TNS1: variants seen among roughly 807,000 people sequenced by gnomAD.
The protein encoded by TNS1 is tensin 1.
TNS1 carries 62 observed loss-of-function variants against 168.6 expected under a neutral mutation model. The ratio of observed to expected loss-of-function variants is 0.37; its 90% CI spans 0.30 to 0.45. The LOEUF is 0.45. TNS1 is among the 20% of genes least tolerant of loss of function. The probability of loss-of-function intolerance (pLI) is 1.00; values close to 1 mark genes in which losing one functional copy is unlikely to be tolerated. For missense variants in TNS1, 2,240 were observed against 2,339.4 expected, an observed-to-expected ratio of 0.96 and a Z score of 0.88; for synonymous variants, 934 against 933.2, an observed-to-expected ratio of 1.00 and a Z score of -0.02.
chr2:217,948,807 T>A lies in TNS1; in HGVS notation c.187-28571A>T, dbSNP rs994468882. Among the ~76,000 whole-genome samples, 1 of 152,138 alleles carries A rather than the reference T, an allele frequency of 6.6e-6. No homozygotes were observed. Among genetic ancestry groups the A allele is most frequent in the Admixed American group, 6.5e-5 (1 of 15,288 alleles). ...GCTCACCACTGTGTCCTCTATGACA[T>A]CTCATTGGCATGCATCTGCATTTGC... On this transcript the variant is annotated intron_variant, in intron 3 of 32. Coordinates refer to ENST00000682258, the MANE Select transcript of TNS1 (RefSeq NM_001387777.1). The surrounding 1 kb of genome is among the most constrained non-coding windows in gnomAD (Gnocchi z 4.1).
chr2:217,932,324 C>T (rs1956366456), intron 3 of TNS1, among the ~76,000 whole-genome samples: 1 of 152,208 alleles, frequency 6.6e-6, no homozygotes, highest in African/African-American at 2.4e-5. Flanking sequence ...CTATTGATAC[C>T]TTATTTAACT....
chr2:217,857,434 G>A (rs73992648), intron 18 of TNS1, among the ~76,000 whole-genome samples: 69 of 152,308 alleles, frequency 4.5e-4, no homozygotes, highest in Middle Eastern at 3.4e-3. Flanking sequence ...GATGGCTGGG[G>A]CTGGAGGCAT....
At chr2:217,930,961 C>T (rs1038773710) in intron 3 of TNS1, among the ~76,000 whole-genome samples, 2 of 152,054 alleles carry the variant, frequency 1.3e-5, no homozygotes, top group African/African-American at 2.4e-5. Context: ...GGGCTGTGGT[C>T]TGTGGTCATG....
intron 18 of TNS1, among the ~76,000 whole-genome samples, chr2:217,849,459 T>A (rs1947168264): frequency 6.6e-6 from 1 of 152,240 alleles, no homozygotes; most frequent in East Asian, 1.9e-4. Flanking sequence ...TAATAGAATC[T>A]GGTTGAACCA....
At position 217,847,887 on chromosome 2, in the gene TNS1, G is replaced by A; in HGVS notation, c.2630C>T (p.Ser877Phe). Residue 877 changes from serine (S) to phenylalanine (F), a missense_variant, in exon 19 of 33, where the codon TCC (serine) becomes TTC (phenylalanine). Ser to Phe is a radical substitution (Grantham distance 155, BLOSUM62 -2). Coordinates refer to ENST00000682258, the MANE Select transcript of TNS1 (RefSeq NM_001387777.1). The stretch of plus-strand genomic sequence containing the variant: ...GGTCAGTGGATGGGACTGACGGGAG[G>A]ATCCAGAGAGGGGCTGGGAGGAGAG... ...SPLSSQPLSG[S>F]SRQSHPLTQS... is the part of the protein sequence containing the mutation. 1 of 1,554,322 alleles carries A rather than the reference G, an allele frequency of 6.4e-7. No individual in the cohort carries two copies. Among genetic ancestry groups the A allele is most frequent in the Non-Finnish European group, 8.8e-7 (1 of 1,142,370 alleles).
At chr2:217,996,699 G>C (rs189087961) in intron 1 of TNS1, among the ~76,000 whole-genome samples, 1 of 151,806 alleles carries the variant, frequency 6.6e-6, no homozygotes. Flanking sequence ...CCCTATATCA[G>C]GCCTTGGCAC....
chr2:217,976,283 C>T (rs1957892665), intron 3 of TNS1, among the ~76,000 whole-genome samples: 1 of 152,184 alleles, frequency 6.6e-6, no homozygotes, highest in African/African-American at 2.4e-5. Context: ...ACTAATGAAT[C>T]CTGCCTAGAA....
At position 217,886,073 on chromosome 2, in the gene TNS1, G is replaced by A. The variant is rs1450083303; in HGVS notation, c.1011C>T (p.Ala337=). ...GCRPFLRIYQ[A]MQPVYTSGIY... is the part of the protein sequence containing the mutation. ...TGCCAGATGTGTACACAGGTTGCAT[G>A]GCCTGGTAGATGCGGAGAAATGGCC... Residue 337 remains alanine, a synonymous_variant, in exon 14 of 33, where the codon GCC becomes GCT. Transcript: ENST00000682258. 6.2e-7 allele frequency: 1 copy of A among 1,614,062 alleles called. No homozygotes were observed. The highest frequency in any genetic ancestry group is 1.3e-5 in the African/African-American group (1 of 75,006).
rs1005244852 is a variant in TNS1, at chr2:217,809,731, A to C, written c.5273+92T>G. Reference sequence around the variant, plus strand: ...GGTAGATGAGCAGTTGGGTGCAAGGAATCAATCAAGTGGTAAATGTGTGGG... The same window carrying C: ...GGTAGATGAGCAGTTGGGTGCAAGGCATCAATCAAGTGGTAAATGTGTGGG... On this transcript the variant is annotated intron_variant, in intron 30 of 32. Transcript: ENST00000682258. 1.8e-5 allele frequency: 25 copies of C among 1,354,572 alleles called. No individual in the cohort carries two copies. In the African/African-American group the frequency reaches 2.6e-4, roughly 14 times the overall value. 83.9% of individuals were successfully genotyped at this position (1,354,572 alleles called of 1,614,324 possible). A position where few individuals can be genotyped will look rare whatever the true frequency, so the allele number is the denominator to read the frequency against.
rs532366637 is a variant in TNS1, at chr2:218,033,179, TC to T, written c.156+640del. On this transcript the variant is annotated intron_variant, in intron 1 of 1. Transcript: ENST00000649572. This position sits in a 1 kb window ranked among gnomAD's most constrained non-coding sequence, Gnocchi z 4.3. ...ATCCCTGGTGACCCCAAACACCTCC[TC>T]CTACTCTCCCAGGAAGAAACCAGCA... is the stretch of plus-strand genomic sequence containing the variant. 1.5e-3 allele frequency among the ~76,000 whole-genome samples: 234 copies of T among 152,204 alleles called. 1 individual carries two copies. The highest frequency in any genetic ancestry group is 0.013 in the Admixed American group (202 of 15,288).
chr2:217,858,019 C>A (rs1948360804), intron 18 of TNS1, among the ~76,000 whole-genome samples: 1 of 152,292 alleles, frequency 6.6e-6, no homozygotes, highest in Admixed American at 6.5e-5. Context: ...AATGGGAGCC[C>A]ACAGGAGGCC....
In TNS1 at chr2:217,880,775, C is replaced by T. The variant is rs1950603221; in HGVS notation, c.1429+123G>A. The T allele has an allele frequency of 4.1e-6, 3 of 731,026 alleles. No individual in the cohort carries two copies. Among genetic ancestry groups the T allele is most frequent in the Middle Eastern group, 2.4e-4 (1 of 4,136 alleles). 45.3% of individuals were successfully genotyped at this position (731,026 alleles called of 1,614,324 possible). On this transcript the variant is annotated intron_variant, in intron 18 of 32. Transcript: ENST00000682258. This position sits in a 1 kb window ranked among gnomAD's most constrained non-coding sequence, Gnocchi z 4.2. ...TAACGGTGAGCTCTCGGAGGTACCT[C>T]ACACTTCCCCTCTGCCTCCTCTCGA...
At chr2:217,858,990 C>T (rs1214867958) in intron 18 of TNS1, among the ~76,000 whole-genome samples, 1 of 148,262 alleles carries the variant, frequency 6.7e-6, no homozygotes, top group Non-Finnish European at 1.5e-5. Flanking sequence ...AGCCCCTGCT[C>T]AACTCTCACC....
chr2:217,886,435 C>T lies in TNS1; in HGVS notation c.979+99G>A, dbSNP rs556276277. 353 of 960,184 alleles carry T rather than the reference C, an allele frequency of 3.7e-4. 4 individuals carry two copies. The South Asian group carries it at 4.8e-3, about 13-fold the overall frequency. The allele number at this position is 960,184 out of a possible 1,614,324, so 59.5% of individuals were successfully genotyped here. On this transcript the variant is annotated intron_variant, in intron 13 of 32. Transcript: ENST00000682258. The stretch of plus-strand genomic sequence containing the variant: ...GGAGGCCTTATGACTCTGCAGCTCT[C>T]GGGCTGTCTGTTACTACCCAAGGTT...
rs573033427 is a variant in TNS1 at position 217,813,146 on chromosome 2, C to G, written c.4954+69G>C. The G allele has an allele frequency of 9.4e-5, 115 of 1,227,062 alleles. No homozygotes were observed. In the African/African-American group the frequency reaches 1.5e-3, roughly 16 times the overall value. The allele number at this position is 1,227,062 out of a possible 1,614,324, so 76.0% of individuals were successfully genotyped here. On this transcript the variant is annotated intron_variant, in intron 27 of 32. Transcript: ENST00000682258. The surrounding 1 kb of genome is among the most constrained non-coding windows in gnomAD (Gnocchi z 4.0). ...TCAGAAAGAACTTGGGGTCAGACCC[C>G]TGGAGGAACCCAGGACAGGACCAAG...
intron 18 of TNS1, among the ~76,000 whole-genome samples, chr2:217,854,251 T>C (rs1346384995): frequency 3.9e-5 from 6 of 152,164 alleles, no homozygotes. Context: ...AGGTTTTGCT[T>C]ATTTAGATGT....
At chr2:217,911,313 G>T (rs1389929815) in intron 4 of TNS1, among the ~76,000 whole-genome samples, 1 of 152,208 alleles carries the variant, frequency 6.6e-6, no homozygotes, top group African/African-American at 2.4e-5. Context: ...TTAGCGGGCT[G>T]CTCTGCTCTA....
chr2:217,914,149 C>G (rs548370811), intron 4 of TNS1, among the ~76,000 whole-genome samples: 40 of 152,178 alleles, frequency 2.6e-4, no homozygotes, highest in African/African-American at 9.7e-4. Flanking sequence ...CCAACCACCA[C>G]AGCACAAGCA....
At chr2:217,978,934 G>A (rs1957964539) in intron 2 of TNS1, 132 bp from the exon 3 acceptor site, 1 of 659,944 alleles carries the variant, frequency 1.5e-6, no homozygotes, top group Non-Finnish European at 2.8e-6. Context: ...ACGGAGGGAA[G>A]GAGAGAGGGA....
Sources: allele counts gnomAD v4.1 joint callset (sites outside exome capture counted in the v4.1 genomes callset), GRCh38; gene constraint gnomAD v4.1.1; non-coding constraint Gnocchi (gnomAD v3.1); transcripts MANE v1.5; gene names NCBI Gene and HGNC (gene_info 2026-07-23, HGNC 2026-07-21).